Variants in DOCK8 observed in about 807,000 individuals in gnomAD.
The protein encoded by DOCK8 is dedicator of cytokinesis protein 8.
In DOCK8, 141 loss-of-function variants were observed where a neutral mutation model predicts 245.6. That is an observed-to-expected ratio of 0.57 (90% CI 0.50 to 0.66). DOCK8 has a LOEUF of 0.66. Among genes scored for constraint, DOCK8 ranks in the 30% least tolerant of loss-of-function variants. DOCK8 has a pLI of 0.00. For synonymous variants in DOCK8, 1,168 were observed against 970.2 expected (o/e 1.20, Z -3.79); for missense variants, 2,965 against 2,603.4 (o/e 1.14, Z -3.02).
intron 8 of DOCK8, among the ~76,000 whole-genome samples, chr9:326,736 C>A (rs1170580949): frequency 6.6e-6 from 1 of 152,198 alleles, no homozygotes; most frequent in Non-Finnish European, 1.5e-5. Context: ...GTTCTCTCCC[C>A]AAATTACTCT....
At chr9:417,516 T>C (rs1432283310) in intron 29 of DOCK8, among the ~76,000 whole-genome samples, 1 of 152,222 alleles carries the variant, frequency 6.6e-6, no homozygotes, top group African/African-American at 2.4e-5. Flanking sequence ...TTTGATTGTA[T>C]ACTGGTAGCA....
At chr9:430,769 G>A (rs2056679068) in intron 36 of DOCK8, among the ~76,000 whole-genome samples, 1 of 152,162 alleles carries the variant, frequency 6.6e-6, no homozygotes, top group Non-Finnish European at 1.5e-5. Context: ...ATTCAGAAGA[G>A]TGTTTCCTGT....
At chr9:255,201 G>A (rs1207179101) in intron 1 of DOCK8, among the ~76,000 whole-genome samples, 1 of 152,152 alleles carries the variant, frequency 6.6e-6, no homozygotes, top group Non-Finnish European at 1.5e-5. Flanking sequence ...AGTATCTTGA[G>A]TATTCTAGGA....
Position 376,194 on chromosome 9 carries a change from T to A in DOCK8, c.2110-16T>A, listed in dbSNP as rs888558574. ...GGAATTGGATTGCTAATCTTTTTTT[T>A]TTCTCTTTAACACAGAAAGTCCCAT... is the stretch of plus-strand genomic sequence containing the variant. On this transcript the variant is annotated splice_polypyrimidine_tract_variant and intron_variant, in intron 18 of 47. Coordinates refer to ENST00000432829, the MANE Select transcript of DOCK8 (RefSeq NM_203447.4). 5.7e-6 allele frequency: 9 copies of A among 1,571,334 alleles called. 1 individual carries two copies. Among genetic ancestry groups the A allele is most frequent in the East Asian group, 2.2e-5 (1 of 44,650 alleles).
chr9:331,650 C>T (rs2051019330), intron 9 of DOCK8, among the ~76,000 whole-genome samples: 1 of 152,156 alleles, frequency 6.6e-6, no homozygotes, highest in Non-Finnish European at 1.5e-5. Flanking sequence ...CAAATTTCTC[C>T]TTGTCTTTCT....
intron 14 of DOCK8, among the ~76,000 whole-genome samples, chr9:367,239 A>G (rs1169261242): frequency 6.6e-6 from 1 of 152,218 alleles, no homozygotes; most frequent in Admixed American, 6.5e-5. Flanking sequence ...AATATACTTC[A>G]TCAATTATGT....
At chr9:432,419 A>G in intron 37 of DOCK8, 95 bp downstream of exon 37, 1 of 1,175,096 alleles carries the variant, frequency 8.5e-7, no homozygotes, top group Non-Finnish European at 1.2e-6. Flanking sequence ...ATTTATATAT[A>G]AATATATAAC....
intron 4 of DOCK8, among the ~76,000 whole-genome samples, chr9:293,515 A>G (rs1563885531): frequency 6.6e-6 from 1 of 152,280 alleles, no homozygotes; most frequent in South Asian, 2.1e-4. Flanking sequence ...ATGCTTTCAT[A>G]GATAAGCCAC....
At chr9:444,426 C>CA (rs2057189007) in intron 43 of DOCK8, among the ~76,000 whole-genome samples, 1 of 151,580 alleles carries the variant, frequency 6.6e-6, no homozygotes, top group African/African-American at 2.4e-5. Flanking sequence ...CACAGAATTC[C>CA]AAAAAGTACT....
chr9:216,025 G>C (rs2046743297), intron 1 of DOCK8, among the ~76,000 whole-genome samples: 1 of 152,178 alleles, frequency 6.6e-6, no homozygotes, highest in South Asian at 2.1e-4. Context: ...AGTGTGTGAA[G>C]AGGTTTGAAC....
intron 24 of DOCK8, among the ~76,000 whole-genome samples, chr9:391,192 C>T (rs2054177048): frequency 6.6e-6 from 1 of 152,186 alleles, no homozygotes; most frequent in South Asian, 2.1e-4. Context: ...TTCTATTCTT[C>T]TCTGTAGATT....
chr9:355,192 CTTTTTTTTTTTTT>C (rs749045514), intron 14 of DOCK8, among the ~76,000 whole-genome samples: 2 of 121,106 alleles, frequency 1.7e-5, no homozygotes, highest in African/African-American at 6.6e-5. Flanking sequence ...TGTTTCTTTT[CTTTTTTTTTTTTT>C]TTTTTTTTTT....
rs182833470 is a variant in DOCK8, at chr9:276,043, G to A, written c.156+4314G>A. ...GTAGCTGGGATTACAGGCAGCTGCCGCCATGTCTGGCTAATTTTTGTATTT... is the reference window on the plus strand; with the variant it reads ...GTAGCTGGGATTACAGGCAGCTGCCACCATGTCTGGCTAATTTTTGTATTT... On this transcript the variant is annotated intron_variant, in intron 2 of 47. Transcript: ENST00000432829. Among the ~76,000 whole-genome samples, 141 of 151,392 alleles carry A rather than the reference G, an allele frequency of 9.3e-4. 1 individual carries two copies. The highest frequency in any genetic ancestry group is 3.3e-3 in the African/African-American group (136 of 41,198).
rs1230154423 is a variant in DOCK8 at position 391,842 on chromosome 9, TTTA to T, written c.2970+1277_2970+1279del. ...GAATCTTTTTTTTTTTTTTTTTTTT[TTTA>T]AAGAGAGTCTAGGCTGGGTGTGGTG... On this transcript the variant is annotated intron_variant, in intron 24 of 47. Transcript: ENST00000432829. Among the ~76,000 whole-genome samples the T allele has an allele frequency of 2.8e-3, 370 of 130,388 alleles. 3 individuals are homozygous for T. Among genetic ancestry groups the T allele is most frequent in the African/African-American group, 0.01 (337 of 32,296 alleles). The allele number at this position is 130,388 out of a possible 152,430, so 85.5% of individuals were successfully genotyped here.
intron 2 of DOCK8, chr9:280,648 G>A (rs2048539140): frequency 6.6e-6 from 1 of 152,180 alleles, no homozygotes; most frequent in Non-Finnish European, 1.5e-5. Flanking sequence ...TCTCTCCTTT[G>A]ATTAACTTAA....
At chr9:400,203 CACCACCTCCACT>C (rs2054782905) in intron 26 of DOCK8, among the ~76,000 whole-genome samples, 1 of 124,300 alleles carries the variant, frequency 8.0e-6, no homozygotes, top group African/African-American at 3.1e-5. Context: ...TCACCATCAC[CACCACCTCCACT>C]ATCACCACCA....
intron 44 of DOCK8, among the ~76,000 whole-genome samples, chr9:447,374 G>A (rs1657137231): frequency 6.6e-6 from 1 of 152,088 alleles, no homozygotes; most frequent in African/African-American, 2.4e-5. Context: ...TCACAATTCA[G>A]CATTTTCTTT....
chr9:420,460 C>A lies in DOCK8; in HGVS notation c.3900C>A (p.Phe1300Leu). The change falls in exon 31 of 48, where the codon TTC (phenylalanine) becomes TTA (leucine). Residue 1300 changes from phenylalanine to leucine, a missense_variant. This residue lies in a region of DOCK8 where 2,825 missense variants were observed against 2,453.5 expected (regional missense o/e 1.15). Transcript: ENST00000432829. Reference sequence around the variant, plus strand: ...CTACTCGCAACCTCATGATCTGCTTCCTCTGGATCATGAAAAATGCTGATC... The same window carrying A: ...CTACTCGCAACCTCATGATCTGCTTACTCTGGATCATGAAAAATGCTGATC... ...ADTTRNLMIC[F>L]LWIMKNADQS... The A allele has an allele frequency of 6.2e-7, 1 of 1,614,196 alleles. No homozygotes were observed. Among genetic ancestry groups the A allele is most frequent in the African/African-American group, 1.3e-5 (1 of 75,036 alleles).
chr9:235,300 T>G (rs976220546), intron 1 of DOCK8, among the ~76,000 whole-genome samples: 4 of 152,176 alleles, frequency 2.6e-5, no homozygotes, highest in African/African-American at 9.7e-5. Flanking sequence ...GGTGTCAGTC[T>G]GCCCCTACTG....
Sources: allele counts gnomAD v4.1 joint callset (sites outside exome capture counted in the v4.1 genomes callset), GRCh38; gene constraint gnomAD v4.1.1; regional missense constraint gnomAD v4.1.1; transcripts MANE v1.5; gene names NCBI Gene and HGNC (gene_info 2026-07-23, HGNC 2026-07-21).